The following DMD variants were observed in gnomAD, a reference collection of about 807,000 sequenced individuals.
The protein encoded by DMD is mutant dystrophin.
A neutral mutation model predicts 330.1 loss-of-function variants in DMD; 63 were observed. That is an observed-to-expected ratio of 0.19 (90% CI 0.16 to 0.24). DMD has a LOEUF of 0.24. Among genes scored for constraint, DMD ranks in the 10% least tolerant of loss-of-function variants. The probability of loss-of-function intolerance (pLI) is 1.00; values close to 1 mark genes in which losing one functional copy is unlikely to be tolerated. For missense variants in DMD, 3,344 were observed against 2,684.1 expected (o/e 1.25, Z -5.43); for synonymous variants, 1,223 against 959.8 (o/e 1.27, Z -5.07).
At chrX:31,849,829 G>A (rs2093490991) in intron 48 of DMD, among the ~76,000 whole-genome samples, 1 of 110,737 alleles carries the variant, frequency 9.0e-6, no homozygotes, top group Non-Finnish European at 1.9e-5. Context: ...TATAAATATT[G>A]CTACAGAAAA....
intron 42 of DMD, among the ~76,000 whole-genome samples, chrX:32,308,009 T>A (rs1211477112): frequency 4.5e-5 from 5 of 110,248 alleles, no homozygotes; most frequent in Non-Finnish European, 9.5e-5. Context: ...CTTATGTGTA[T>A]GTTTCTCATT....
chrX:32,405,620 G>C (rs186147810), intron 30 of DMD, among the ~76,000 whole-genome samples: 1 of 111,255 alleles, frequency 9.0e-6, no homozygotes, highest in East Asian at 2.8e-4. Context: ...ATTTAAGACT[G>C]TGGTACCAGT....
intron 2 of DMD, among the ~76,000 whole-genome samples, chrX:32,998,060 G>A (rs1379438918): frequency 9.1e-6 from 1 of 110,311 alleles, no homozygotes; most frequent in African/African-American, 3.3e-5. Flanking sequence ...AGGAGTCCCA[G>A]TTAAGAAATA....
At chrX:32,022,822 C>A (rs1333153714) in intron 44 of DMD, among the ~76,000 whole-genome samples, 5 of 103,077 alleles carry the variant, frequency 4.9e-5, no homozygotes, top group Non-Finnish European at 9.7e-5. Flanking sequence ...TCGGTATAAT[C>A]CTCTTTTTTT....
intron 44 of DMD, among the ~76,000 whole-genome samples, chrX:32,094,185 C>A (rs2096492108): frequency 8.9e-6 from 1 of 112,060 alleles, no homozygotes; most frequent in Admixed American, 9.5e-5. Context: ...AAAGTCTTCA[C>A]ATATTTGGCC....
chrX:33,049,262 G>A (rs1332824853), intron 1 of DMD, among the ~76,000 whole-genome samples: 1 of 111,618 alleles, frequency 9.0e-6, no homozygotes, highest in African/African-American at 3.2e-5. Context: ...TTTTCATCCT[G>A]GAATGTATTT....
intron 2 of DMD, among the ~76,000 whole-genome samples, chrX:32,996,982 G>T (rs940916383): frequency 9.0e-6 from 1 of 111,546 alleles, no homozygotes; most frequent in Non-Finnish European, 1.9e-5. Flanking sequence ...CTATAAGAAA[G>T]CATATGTATA....
At chrX:32,173,013 A>G (rs1318019120) in intron 44 of DMD, among the ~76,000 whole-genome samples, 3 of 109,373 alleles carry the variant, frequency 2.7e-5, no homozygotes, top group East Asian at 5.8e-4. Flanking sequence ...TTAACTGCTC[A>G]ATTAAAAAAA....
intron 44 of DMD, among the ~76,000 whole-genome samples, chrX:32,050,669 T>C (rs1302731735): frequency 9.0e-6 from 1 of 111,523 alleles, no homozygotes; most frequent in African/African-American, 3.3e-5. Context: ...GGGAGTCTAT[T>C]ACAATCAGTA....
At chrX:32,944,717 G>A (rs756884680) in intron 2 of DMD, among the ~76,000 whole-genome samples, 1 of 108,741 alleles carries the variant, frequency 9.2e-6, no homozygotes, top group Non-Finnish European at 1.9e-5. Flanking sequence ...CGATTCTCCT[G>A]CCGCAGCCTC....
chrX:32,809,588 C>T lies in DMD; in HGVS notation c.554G>A (p.Ser185Asn), dbSNP rs1168876204. 3 of 1,208,397 alleles carry T rather than the reference C, an allele frequency of 2.5e-6. No homozygotes were observed. Among genetic ancestry groups the T allele is most frequent in the Non-Finnish European group, 3.4e-6 (3 of 894,610 alleles). ...SHRPDLFDWN[S>N]VVCQQSATQR... ...TGTGGCTGACTGCTGGCAAACCACA[C>T]TATTCCAGTCAAATAGGTCTGGCCT... The change falls in exon 7 of 79, where the codon AGT becomes AAT. Residue 185 changes from serine to asparagine, a missense_variant. Physicochemically the swap from Ser to Asn is conservative, Grantham distance 46. Coordinates refer to ENST00000357033, the MANE Select transcript of DMD (RefSeq NM_004006.3).
chrX:32,417,020 A>G (rs1288894758), intron 29 of DMD, among the ~76,000 whole-genome samples: 10 of 111,974 alleles, frequency 8.9e-5, no homozygotes, highest in African/African-American at 3.2e-4. Context: ...ATTTTTGATA[A>G]ACTATTTCCT....
intron 51 of DMD, among the ~76,000 whole-genome samples, chrX:31,759,460 A>G (rs2089399839): frequency 9.0e-6 from 1 of 111,657 alleles, no homozygotes; most frequent in Admixed American, 9.6e-5. Flanking sequence ...CATTTGAAAT[A>G]ACAAAAGAGA....
intron 2 of DMD, among the ~76,000 whole-genome samples, chrX:32,946,368 T>C (rs897841061): frequency 1.8e-5 from 2 of 111,468 alleles, no homozygotes; most frequent in Admixed American, 9.6e-5. Context: ...ATGTTTACCA[T>C]AAAAAGATAC....
intron 44 of DMD, among the ~76,000 whole-genome samples, chrX:32,182,102 G>A (rs1315526414): frequency 1.8e-5 from 2 of 111,795 alleles, no homozygotes; most frequent in African/African-American, 6.5e-5. Context: ...CATATGAAGT[G>A]GTGGTTTGGC....
intron 62 of DMD, among the ~76,000 whole-genome samples, chrX:31,322,354 C>A (rs1442667088): frequency 1.8e-5 from 2 of 111,496 alleles, no homozygotes; most frequent in African/African-American, 6.5e-5. Context: ...TTTAATAAAG[C>A]ATGTGATTTA....
At chrX:32,659,848 T>C (rs2060830822) in intron 9 of DMD, among the ~76,000 whole-genome samples, 1 of 110,770 alleles carries the variant, frequency 9.0e-6, no homozygotes, top group African/African-American at 3.3e-5. Flanking sequence ...AAGAGATTCT[T>C]GGAATCTCTT....
intron 21 of DMD, among the ~76,000 whole-genome samples, chrX:32,476,824 A>G (rs956522035): frequency 1.4e-4 from 16 of 111,795 alleles, no homozygotes; most frequent in African/African-American, 4.9e-4. Context: ...TGATCCCAAC[A>G]TAGGAGCAGA....
At chrX:33,304,009 T>G (rs2148941042) in intron 1 of DMD, among the ~76,000 whole-genome samples, 1 of 111,785 alleles carries the variant, frequency 8.9e-6, no homozygotes, top group African/African-American at 3.2e-5. Context: ...CTTCTGAAGT[T>G]ATTTATTATA....
Sources: allele counts gnomAD v4.1 joint callset (sites outside exome capture counted in the v4.1 genomes callset), GRCh38; gene constraint gnomAD v4.1.1; transcripts MANE v1.5; gene names NCBI Gene and HGNC (gene_info 2026-07-23, HGNC 2026-07-21).